CREB5: variants seen among roughly 807,000 people sequenced by gnomAD.
CREB5 encodes cyclic AMP-responsive element-binding protein 5.
A neutral mutation model predicts 57.1 loss-of-function variants in CREB5; 19 were observed. The ratio of observed to expected loss-of-function variants is 0.33; its 90% CI spans 0.23 to 0.49. CREB5 has a LOEUF of 0.49. CREB5 is among the 20% of genes least tolerant of loss of function. The pLI is 0.99. For missense variants in CREB5, 579 were observed against 671.6 expected (o/e 0.86, Z 1.52); for synonymous variants, 238 against 238.3 (o/e 1.00, Z 0.01).
intron 1 of CREB5, among the ~76,000 whole-genome samples, chr7:28,308,804 C>A (rs545080623): frequency 1.3e-4 from 20 of 152,312 alleles, no homozygotes; most frequent in African/African-American, 4.3e-4. Flanking sequence ...GAGTTGAGAT[C>A]TTTTCTGTTT....
intron 5 of CREB5, among the ~76,000 whole-genome samples, chr7:28,613,446 T>G (rs987560387): frequency 6.6e-6 from 1 of 152,176 alleles, no homozygotes; most frequent in Non-Finnish European, 1.5e-5. Flanking sequence ...CTATCCTCTT[T>G]ACGACTTATG....
chr7:28,662,873 G>A (rs916312124), intron 5 of CREB5, among the ~76,000 whole-genome samples: 3 of 152,088 alleles, frequency 2.0e-5, no homozygotes, highest in African/African-American at 4.8e-5. Context: ...CAGGCTGGGC[G>A]CAGTGGCTCA....
At chr7:28,646,851 AT>A (rs1214358845) in intron 5 of CREB5, among the ~76,000 whole-genome samples, 2 of 151,612 alleles carry the variant, frequency 1.3e-5, no homozygotes, top group Admixed American at 6.6e-5. Context: ...GTGATTGTAA[AT>A]TTTTTTTTAA....
intron 5 of CREB5, among the ~76,000 whole-genome samples, chr7:28,589,624 A>G (rs994463590): frequency 6.6e-6 from 1 of 152,228 alleles, no homozygotes; most frequent in East Asian, 1.9e-4. Flanking sequence ...TGCTGTTTAC[A>G]AATAGCGAAA....
At chr7:28,498,277 C>A (rs559602491) in intron 3 of CREB5, among the ~76,000 whole-genome samples, 5 of 152,098 alleles carry the variant, frequency 3.3e-5, no homozygotes, top group Non-Finnish European at 1.5e-5. Flanking sequence ...TCAAGTTCCT[C>A]CTAGACTACT....
intron 4 of CREB5, among the ~76,000 whole-genome samples, chr7:28,551,006 G>T (rs1794617299): frequency 6.6e-6 from 1 of 152,122 alleles, no homozygotes. Flanking sequence ...CTGAATACTT[G>T]ATGTGGATTT....
At chr7:28,691,075 A>C (rs148554086) in intron 5 of CREB5, among the ~76,000 whole-genome samples, 107 of 152,302 alleles carry the variant, frequency 7.0e-4, no homozygotes, top group African/African-American at 2.5e-3. Flanking sequence ...AGTGAGATGG[A>C]GGTGAGTGAA....
intron 1 of CREB5, among the ~76,000 whole-genome samples, chr7:28,332,803 C>A (rs752604864): frequency 2.4e-4 from 36 of 152,156 alleles, no homozygotes; most frequent in African/African-American, 8.7e-4. Flanking sequence ...AGCTATACAT[C>A]ATCATTTTAC....
At chr7:28,725,466 A>G (rs1803277217) in intron 7 of CREB5, among the ~76,000 whole-genome samples, 1 of 152,236 alleles carries the variant, frequency 6.6e-6, no homozygotes, top group Admixed American at 6.5e-5. Context: ...GCTGTGCCAC[A>G]GTCCCTGTGA....
intron 7 of CREB5, among the ~76,000 whole-genome samples, chr7:28,758,068 A>G (rs1327689904): frequency 6.6e-6 from 1 of 152,196 alleles, no homozygotes. Context: ...GAACACAGTA[A>G]GAGTGGTGGT....
At chr7:28,612,044 C>G (rs961289413) in intron 5 of CREB5, among the ~76,000 whole-genome samples, 17 of 152,186 alleles carry the variant, frequency 1.1e-4, no homozygotes, top group African/African-American at 3.9e-4. Context: ...CAGCTCCAAC[C>G]TATGAGCTCA....
At chr7:28,596,921 G>A (rs1796709288) in intron 5 of CREB5, among the ~76,000 whole-genome samples, 1 of 152,094 alleles carries the variant, frequency 6.6e-6, no homozygotes, top group African/African-American at 2.4e-5. Context: ...GTGAACCTTA[G>A]GGCCAAGATA....
In CREB5 at chr7:28,804,389, C is replaced by T; in HGVS notation, c.893C>T (p.Ala298Val). ...TACCCACACCAGCACCAGCACCCAG[C>T]ACACCATCCTCACCCTCAACCCCAT... ...HPYPHQHQHP[A>V]HHPHPQPHHQ... Residue 298 changes from alanine to valine, a missense_variant, in exon 8 of 11, where the codon GCA becomes GTA. Transcript: ENST00000357727. 3.1e-6 allele frequency: 5 copies of T among 1,613,848 alleles called. No homozygotes were observed. The highest frequency in any genetic ancestry group is 3.4e-6 in the Non-Finnish European group (4 of 1,179,896).
intron 5 of CREB5, among the ~76,000 whole-genome samples, chr7:28,604,781 C>T (rs1409501221): frequency 6.6e-6 from 1 of 151,828 alleles, no homozygotes; most frequent in Non-Finnish European, 1.5e-5. Flanking sequence ...TCATTGGGGC[C>T]AAAATTATTT....
chr7:28,695,015 G>A (rs35384827), intron 5 of CREB5, among the ~76,000 whole-genome samples: 17,475 of 152,168 alleles, frequency 0.11, 1,299 homozygotes, highest in South Asian at 0.22. Flanking sequence ...GCTTGAGCCC[G>A]AGAGTTTGAG....
chr7:28,810,522 G>A (rs559812366), intron 9 of CREB5, among the ~76,000 whole-genome samples: 34 of 152,064 alleles, frequency 2.2e-4, no homozygotes, highest in Non-Finnish European at 2.6e-4. Flanking sequence ...CAGAAACCCC[G>A]TCTCTACTAA....
At chr7:28,611,983 TTGCC>T (rs3041193) in intron 5 of CREB5, among the ~76,000 whole-genome samples, 14,183 of 152,160 alleles carry the variant, frequency 0.093, 744 homozygotes, top group South Asian at 0.11. Context: ...CCTTGCTACT[TTGCC>T]AGCCAGCAAG....
intron 1 of CREB5, among the ~76,000 whole-genome samples, chr7:28,423,486 G>A (rs1788361943): frequency 2.0e-5 from 3 of 152,294 alleles, no homozygotes; most frequent in Non-Finnish European, 1.5e-5. Flanking sequence ...ATGGGGGCTT[G>A]AGTTATGATG....
intron 5 of CREB5, among the ~76,000 whole-genome samples, chr7:28,689,909 G>GGTGTGTGTGT (rs34310030): frequency 0.064 from 9,087 of 141,480 alleles, 680 homozygotes; most frequent in African/African-American, 0.19. Context: ...ACTTGTATTT[G>GGTGTGTGTGT]GTGTGTGTGT....
Sources: allele counts gnomAD v4.1 joint callset (sites outside exome capture counted in the v4.1 genomes callset), GRCh38; gene constraint gnomAD v4.1.1; transcripts MANE v1.5; gene names NCBI Gene and HGNC (gene_info 2026-07-23, HGNC 2026-07-21).